The following ABR variants were observed in gnomAD, a reference collection of about 807,000 sequenced individuals.
ABR encodes the protein active breakpoint cluster region-related protein.
In ABR, 35 loss-of-function variants were observed where a neutral mutation model predicts 107.2. The ratio of observed to expected loss-of-function variants is 0.33; its 90% CI spans 0.25 to 0.43. The LOEUF (loss-of-function observed/expected upper bound fraction) is 0.43, where lower values mean the gene tolerates loss of function less well. ABR is among the 20% of genes least tolerant of loss of function. The pLI, the probability that ABR is intolerant of heterozygous loss-of-function variation, is 1.00. For missense variants in ABR, 815 were observed against 1,115.2 expected, an observed-to-expected ratio of 0.73 and a Z score of 3.83; for synonymous variants, 498 against 462.0, an observed-to-expected ratio of 1.08 and a Z score of -1.00.
intron 21 of ABR, among the ~76,000 whole-genome samples, chr17:1,007,880 G>GGGGAGAAAGGCAC (rs2070188031): frequency 6.6e-6 from 1 of 152,240 alleles, no homozygotes; most frequent in Non-Finnish European, 1.5e-5. Context: ...GAGAAAGGCA[G>GGGGAGAAAGGCAC]GCAGGGCCTG....
At chr17:1,012,936 A>G in intron 17 of ABR, 139 bp from the exon 18 acceptor site, 2 of 1,057,166 alleles carry the variant, frequency 1.9e-6, no homozygotes, top group South Asian at 2.7e-5. Context: ...CAACACCTGC[A>G]GGACAGCAGC....
intron 1 of ABR, among the ~76,000 whole-genome samples, chr17:1,225,736 C>T (rs754144295): frequency 6.6e-6 from 1 of 152,118 alleles, no homozygotes; most frequent in Non-Finnish European, 1.5e-5. Context: ...GTGCTTCCTA[C>T]GTGCCAGGAC....
intron 3 of ABR, among the ~76,000 whole-genome samples, chr17:1,097,594 A>AC (rs1278676827): frequency 1.3e-5 from 2 of 151,086 alleles, no homozygotes; most frequent in South Asian, 2.1e-4. Flanking sequence ...CCGTCTCAAA[A>AC]AAAAAAAAAA....
rs879932555 is a variant in ABR at position 1,092,383 on chromosome 17, G to A, written c.346-533C>T. Among the ~76,000 whole-genome samples the A allele has an allele frequency of 5.3e-5, 8 of 152,132 alleles. No homozygotes were observed. Among genetic ancestry groups the A allele is most frequent in the East Asian group, 1.9e-4 (1 of 5,192 alleles). On this transcript the variant is annotated intron_variant, in intron 3 of 22. Transcript: ENST00000302538. This position sits in a 1 kb window ranked among gnomAD's most constrained non-coding sequence, Gnocchi z 4.6. ...CACAGGGAGAGGCATGGGCGTTCAC[G>A]TGTCCCCCACTGCAGCCCACCCCCG...
chr17:1,036,470 G>A (rs766939507), intron 16 of ABR, among the ~76,000 whole-genome samples: 18 of 151,502 alleles, frequency 1.2e-4, no homozygotes, highest in Admixed American at 3.9e-4. Flanking sequence ...TGCTGGAGGA[G>A]AGCAGGGCGG....
chr17:1,031,877 C>CCCCTCCCT (rs1165216714), intron 16 of ABR: 10 of 1,149,268 alleles, frequency 8.7e-6, no homozygotes, highest in African/African-American at 3.6e-5. Context: ...TCCCCGCGCT[C>CCCCTCCCT]CCCTCCCTCC....
upstream of ABR, among the ~76,000 whole-genome samples, chr17:1,189,500 C>T (rs1001999240): frequency 4.6e-5 from 7 of 152,178 alleles, no homozygotes; most frequent in Admixed American, 2.6e-4. Context: ...GATAGAGACC[C>T]GCACATCCTT....
At chr17:1,034,981 C>T (rs12603499) in intron 16 of ABR, among the ~76,000 whole-genome samples, 1 of 151,958 alleles carries the variant, frequency 6.6e-6, no homozygotes, top group African/African-American at 2.4e-5. Context: ...TGAACGATGG[C>T]CAGCTGGTCT....
At chr17:1,069,651 A>G (rs1349377763) in intron 9 of ABR, among the ~76,000 whole-genome samples, 1 of 152,100 alleles carries the variant, frequency 6.6e-6, no homozygotes, top group Non-Finnish European at 1.5e-5. Context: ...CAGCCTGGGC[A>G]ACAGAGCAAG....
chr17:1,032,100 C>A (rs898745196), intron 16 of ABR, among the ~76,000 whole-genome samples: 2 of 152,190 alleles, frequency 1.3e-5, no homozygotes, highest in Admixed American at 1.3e-4. Context: ...CCCCACACCC[C>A]AGTCCCTCCC....
chr17:1,053,674 G>A (rs1258356009), intron 14 of ABR, among the ~76,000 whole-genome samples: 1 of 152,152 alleles, frequency 6.6e-6, no homozygotes, highest in Admixed American at 6.5e-5. Context: ...GGGTGGCGGC[G>A]GCGAAGGGAG....
intron 16 of ABR, among the ~76,000 whole-genome samples, chr17:1,023,895 C>G (rs2071932722): frequency 6.6e-6 from 1 of 152,044 alleles, no homozygotes; most frequent in East Asian, 1.9e-4. Context: ...CGTGGTGGCA[C>G]ATGCCTGTAA....
At chr17:1,125,000 A>T (rs754040384) in intron 2 of ABR, among the ~76,000 whole-genome samples, 183 bp downstream of exon 2, 7 of 151,518 alleles carry the variant, frequency 4.6e-5, no homozygotes, top group Admixed American at 2.0e-4. Flanking sequence ...GCAGGTGGGG[A>T]GGGAAGCCCG....
chr17:1,161,074 A>G (rs1234323254), intron 1 of ABR, among the ~76,000 whole-genome samples: 3 of 151,962 alleles, frequency 2.0e-5, no homozygotes, highest in Non-Finnish European at 4.4e-5. Context: ...TCAGGGATAC[A>G]AGGCTGGGGT....
chr17:1,006,691 G>A (rs1031141416), intron 22 of ABR, among the ~76,000 whole-genome samples: 1 of 152,178 alleles, frequency 6.6e-6, no homozygotes, highest in Admixed American at 6.5e-5. Flanking sequence ...GGGAAGAGGT[G>A]TGGGGACTCT....
At chr17:1,069,548 T>A (rs909031913) in intron 9 of ABR, among the ~76,000 whole-genome samples, 2 of 152,066 alleles carry the variant, frequency 1.3e-5, no homozygotes, top group Non-Finnish European at 2.9e-5. Context: ...GGCGTGCACC[T>A]GTAATCCCAG....
At chr17:1,052,027 T>C (rs1334730327) in intron 14 of ABR, among the ~76,000 whole-genome samples, 1 of 150,620 alleles carries the variant, frequency 6.6e-6, no homozygotes, top group Non-Finnish European at 1.5e-5. Context: ...TGAGCTGAGA[T>C]GGCACCACTG....
chr17:1,024,227 C>T (rs551413848), intron 16 of ABR, among the ~76,000 whole-genome samples: 2 of 152,212 alleles, frequency 1.3e-5, no homozygotes, highest in East Asian at 1.9e-4. Flanking sequence ...CGTTCAGTGG[C>T]GTCGTCGAGA....
chr17:1,184,156 C>CA (rs979740958), upstream of ABR, among the ~76,000 whole-genome samples: 3,306 of 125,388 alleles, frequency 0.026, 113 homozygotes, highest in African/African-American at 0.088. Context: ...GACTCCCTCT[C>CA]AAAAAAAAAA....
Sources: gnomAD v4.1 joint callset for allele counts (sites outside exome capture counted in the v4.1 genomes callset) on GRCh38, gnomAD v4.1.1 for gene constraint, Gnocchi (gnomAD v3.1) non-coding constraint, MANE v1.5 for transcripts, NCBI Gene and HGNC (gene_info 2026-07-23, HGNC 2026-07-21) for gene names.